Variants in LRRC69 observed in about 807,000 individuals in gnomAD.
The protein encoded by LRRC69 is leucine-rich repeat-containing protein 69.
Under a neutral mutation model 37.8 loss-of-function variants are expected in LRRC69, and 42 were observed. That is an observed-to-expected ratio of 1.11 (90% CI 0.87 to 1.44). The LOEUF (loss-of-function observed/expected upper bound fraction) is 1.44, where lower values mean the gene tolerates loss of function less well. Among genes scored for constraint, LRRC69 ranks in the 40% most tolerant of loss-of-function variants. The pLI is 0.00. For synonymous variants in LRRC69, 141 were observed against 143.1 expected, an observed-to-expected ratio of 0.99 and a Z score of 0.11; for missense variants, 357 against 401.9, an observed-to-expected ratio of 0.89 and a Z score of 0.96.
chr8:91,146,374 G>A (rs561262504), intron 5 of LRRC69, among the ~76,000 whole-genome samples: 1 of 151,948 alleles, frequency 6.6e-6, no homozygotes, highest in South Asian at 2.1e-4. Flanking sequence ...TGTGTTTTTA[G>A]TCTTGCAGTA....
intron 7 of LRRC69, 82 bp from the exon 8 acceptor site, chr8:91,218,808 C>A: frequency 2.3e-6 from 2 of 860,998 alleles, no homozygotes; most frequent in South Asian, 2.0e-5. Flanking sequence ...GTTCTGAAAC[C>A]TCTGAGAAAG....
intron 5 of LRRC69, among the ~76,000 whole-genome samples, chr8:91,187,840 G>A (rs962159752): frequency 1.3e-5 from 2 of 152,194 alleles, no homozygotes; most frequent in Admixed American, 1.3e-4. Flanking sequence ...ATTAAAAGAT[G>A]TTAATATTCT....
chr8:91,215,463 A>G (rs1344365076), intron 7 of LRRC69, among the ~76,000 whole-genome samples: 7 of 152,188 alleles, frequency 4.6e-5, no homozygotes, highest in African/African-American at 1.7e-4. Context: ...TTCAACAAAC[A>G]TAAAACTTAG....
chr8:91,123,608 A>G (rs996190072), intron 1 of LRRC69, among the ~76,000 whole-genome samples: 4 of 152,098 alleles, frequency 2.6e-5, no homozygotes, highest in South Asian at 2.1e-4. Context: ...ATGTAAATTC[A>G]TTAGTTTGTT....
chr8:91,122,018 A>G (rs1813632136), intron 1 of LRRC69, among the ~76,000 whole-genome samples: 1 of 152,094 alleles, frequency 6.6e-6, no homozygotes. Flanking sequence ...ATCTTCATAT[A>G]TCTGGGCCAG....
intron 7 of LRRC69, among the ~76,000 whole-genome samples, chr8:91,203,619 G>A (rs1174723821): frequency 6.6e-6 from 1 of 151,376 alleles, no homozygotes; most frequent in Non-Finnish European, 1.5e-5. Context: ...GGCTTGTCTC[G>A]AACTCCTGAT....
At chr8:91,151,773 T>C (rs900908698) in intron 5 of LRRC69, among the ~76,000 whole-genome samples, 11 of 151,624 alleles carry the variant, frequency 7.3e-5, no homozygotes, top group African/African-American at 2.7e-4. Context: ...AGTGTAAAAG[T>C]GTTCTTATTT....
chr8:91,161,863 ATCTT>A (rs1359908369), intron 5 of LRRC69, among the ~76,000 whole-genome samples: 10 of 151,190 alleles, frequency 6.6e-5, no homozygotes, highest in African/African-American at 2.4e-4. Context: ...TTTATTTAAA[ATCTT>A]TCTAATTTTT....
chr8:91,187,221 T>C (rs1809421212), intron 5 of LRRC69, among the ~76,000 whole-genome samples: 1 of 152,226 alleles, frequency 6.6e-6, no homozygotes, highest in Non-Finnish European at 1.5e-5. Context: ...GTTCCTTGTA[T>C]GTTCAAGCTA....
At chr8:91,105,220 A>C (rs1382201539) in intron 1 of LRRC69, among the ~76,000 whole-genome samples, 1 of 151,928 alleles carries the variant, frequency 6.6e-6, no homozygotes, top group Admixed American at 6.6e-5. Context: ...AGTTTTTCTT[A>C]TATAGGGTCT....
At chr8:91,203,555 GC>G (rs1201269413) in intron 7 of LRRC69, among the ~76,000 whole-genome samples, 1 of 151,348 alleles carries the variant, frequency 6.6e-6, no homozygotes, top group East Asian at 2.0e-4. Flanking sequence ...ACCACACCTG[GC>G]TTTTTTTTGT....
At chr8:91,131,639 A>G (rs981537926) in intron 3 of LRRC69, among the ~76,000 whole-genome samples, 19 of 151,926 alleles carry the variant, frequency 1.3e-4, no homozygotes, top group Admixed American at 1.1e-3. Context: ...TATAAATGGA[A>G]ATCTTAAACT....
chr8:91,142,170 C>T (rs1021138318), intron 5 of LRRC69, among the ~76,000 whole-genome samples: 1 of 151,908 alleles, frequency 6.6e-6, no homozygotes, highest in African/African-American at 2.4e-5. Context: ...AAAAGATGAC[C>T]TGACAAAAGC....
intron 1 of LRRC69, among the ~76,000 whole-genome samples, chr8:91,122,660 C>G (rs958218782): frequency 6.6e-6 from 1 of 152,014 alleles, no homozygotes; most frequent in African/African-American, 2.4e-5. Context: ...TTTCACAATG[C>G]CTGACACATT....
intron 1 of LRRC69, among the ~76,000 whole-genome samples, chr8:91,108,635 C>T (rs545852189): frequency 8.5e-5 from 13 of 152,076 alleles, no homozygotes; most frequent in South Asian, 2.1e-4. Flanking sequence ...TTGTCTAACC[C>T]GTGGCCCGCG....
chr8:91,139,636 CGACAGAGTA>C (rs1436250874), intron 5 of LRRC69, among the ~76,000 whole-genome samples: 1 of 151,458 alleles, frequency 6.6e-6, no homozygotes, highest in Non-Finnish European at 1.5e-5. Context: ...CCAGCCTGGG[CGACAGAGTA>C]AGACTCCGTC....
intron 7 of LRRC69, among the ~76,000 whole-genome samples, chr8:91,213,029 A>C (rs566233571): frequency 2.0e-5 from 3 of 151,892 alleles, no homozygotes; most frequent in Non-Finnish European, 4.4e-5. Context: ...TGTATCTATA[A>C]TTTTTTTTCT....
intron 3 of LRRC69, among the ~76,000 whole-genome samples, chr8:91,129,438 A>G (rs1813770630): frequency 6.6e-6 from 1 of 152,016 alleles, no homozygotes; most frequent in African/African-American, 2.4e-5. Context: ...CTCTTTACTC[A>G]CACAAATGAA....
At chr8:91,143,584 G>GA (rs146361890) in intron 5 of LRRC69, among the ~76,000 whole-genome samples, 36 of 151,440 alleles carry the variant, frequency 2.4e-4, no homozygotes, top group Admixed American at 1.6e-3. Flanking sequence ...GTTTTTATAA[G>GA]AAAAAAAACA....
Sources: allele counts gnomAD v4.1 joint callset (sites outside exome capture counted in the v4.1 genomes callset), GRCh38; gene constraint gnomAD v4.1.1; transcripts MANE v1.5; gene names NCBI Gene and HGNC (gene_info 2026-07-23, HGNC 2026-07-21).